TNFSF8: variants seen among roughly 807,000 people sequenced by gnomAD.
TNFSF8 encodes the protein TNF superfamily member 8.
Under a neutral mutation model 22.0 loss-of-function variants are expected in TNFSF8, and 4 were observed. The observed-to-expected ratio is 0.18, with a 90% CI of 0.09 to 0.42. The LOEUF (loss-of-function observed/expected upper bound fraction) is 0.42, where lower values mean the gene tolerates loss of function less well. TNFSF8 is among the 10% of genes least tolerant of loss of function. The pLI is 1.00. For synonymous variants in TNFSF8, 106 were observed against 112.5 expected (o/e 0.94, Z 0.37); for missense variants, 233 against 281.8 (o/e 0.83, Z 1.24).
chr9:114,919,757 C>A lies in TNFSF8; in HGVS notation c.196-1619G>T, dbSNP rs77704051. Among the ~76,000 whole-genome samples, 38 of 152,300 alleles carry A rather than the reference C, an allele frequency of 2.5e-4. No individual in the cohort carries two copies. The East Asian group carries it at 7.1e-3, about 29-fold the overall frequency. ...TAGTGTTCTGTATGAACACTAGGAC[C>A]ATCTGGAGTTCCCCTATTATTGTAA... On this transcript the variant is annotated intron_variant, in intron 1 of 3. Coordinates refer to ENST00000223795, the MANE Select transcript of TNFSF8 (RefSeq NM_001244.4).
intron 1 of TNFSF8, among the ~76,000 whole-genome samples, chr9:114,926,921 T>C (rs1389134295): frequency 6.8e-6 from 1 of 147,538 alleles, no homozygotes; most frequent in Non-Finnish European, 1.5e-5. Context: ...AATATAAATA[T>C]TATAAAATAT....
chr9:114,912,636 G>C (rs115544161), intron 2 of TNFSF8, among the ~76,000 whole-genome samples: 1 of 152,194 alleles, frequency 6.6e-6, no homozygotes, highest in Non-Finnish European at 1.5e-5. Flanking sequence ...TGATCCACCC[G>C]CCTCAGCCTC....
chr9:114,900,962 ACT>A (rs1304413025), downstream of TNFSF8, among the ~76,000 whole-genome samples: 3 of 151,708 alleles, frequency 2.0e-5, no homozygotes, highest in Non-Finnish European at 4.4e-5. Context: ...AGTTTGGATG[ACT>A]CTACATTGAC....
downstream of TNFSF8, among the ~76,000 whole-genome samples, chr9:114,897,348 T>A (rs756468826): frequency 6.6e-6 from 1 of 152,218 alleles, no homozygotes; most frequent in Non-Finnish European, 1.5e-5. Context: ...CTTTGATTAT[T>A]CATTTAAGAA....
At chr9:114,929,977 T>G (rs10626871) in intron 1 of TNFSF8, 132 bp downstream of exon 1, 103,525 of 323,444 alleles carry the variant, frequency 0.32, 17,573 homozygotes, top group East Asian at 0.49. Flanking sequence ...TATATATATA[T>G]AGAGAGAGAG....
intron 2 of TNFSF8, among the ~76,000 whole-genome samples, chr9:114,916,195 C>T (rs905081048): frequency 3.9e-5 from 6 of 152,160 alleles, no homozygotes; most frequent in African/African-American, 1.4e-4. Context: ...CATTTTGACA[C>T]ACAAAAATGA....
intron 2 of TNFSF8, among the ~76,000 whole-genome samples, chr9:114,906,302 A>C (rs1157422649): frequency 6.6e-6 from 1 of 152,244 alleles, no homozygotes. Context: ...CAGGTGAAAT[A>C]CATTGTTTCG....
At chr9:114,918,032 T>C in intron 2 of TNFSF8, 64 bp downstream of exon 2, 1 of 1,505,960 alleles carries the variant, frequency 6.6e-7, no homozygotes, top group Admixed American at 2.1e-5. Context: ...TAATCAGGTT[T>C]CACACTTTAT....
intron 2 of TNFSF8, among the ~76,000 whole-genome samples, chr9:114,911,736 C>A (rs1221315632): frequency 6.6e-6 from 1 of 152,112 alleles, no homozygotes; most frequent in African/African-American, 2.4e-5. Context: ...CCCCCCGCCC[C>A]CTGCCCCACC....
intron 3 of TNFSF8, among the ~76,000 whole-genome samples, chr9:114,904,941 G>A (rs1327485611): frequency 6.6e-6 from 1 of 152,150 alleles, no homozygotes; most frequent in Non-Finnish European, 1.5e-5. Flanking sequence ...TCAAAGGGCA[G>A]CCAAAAATAA....
At chr9:114,925,757 A>G (rs1378816426) in intron 1 of TNFSF8, among the ~76,000 whole-genome samples, 1 of 152,110 alleles carries the variant, frequency 6.6e-6, no homozygotes, top group Non-Finnish European at 1.5e-5. Flanking sequence ...TTCTTTCTTG[A>G]AAGCCTACCG....
downstream of TNFSF8, among the ~76,000 whole-genome samples, chr9:114,896,583 A>T (rs1040012616): frequency 6.6e-6 from 1 of 152,236 alleles, no homozygotes; most frequent in Non-Finnish European, 1.5e-5. Context: ...GAAATATCAC[A>T]CTGTGCTACC....
intron 1 of TNFSF8, among the ~76,000 whole-genome samples, chr9:114,921,201 C>T (rs893409616): frequency 2.6e-5 from 4 of 152,176 alleles, no homozygotes; most frequent in Admixed American, 6.5e-5. Context: ...TCATTTAAAC[C>T]TTCACCCAGG....
chr9:114,906,271 GA>G (rs200008266), intron 2 of TNFSF8, among the ~76,000 whole-genome samples: 1 of 152,102 alleles, frequency 6.6e-6, no homozygotes, highest in Non-Finnish European at 1.5e-5. Flanking sequence ...TTACAGATGG[GA>G]AAAAAATCTG....
chr9:114,923,714 C>T (rs900055642), intron 1 of TNFSF8, among the ~76,000 whole-genome samples: 15 of 152,112 alleles, frequency 9.9e-5, no homozygotes, highest in Admixed American at 7.2e-4. Context: ...GACAGGATTT[C>T]GCCATGTTGG....
chr9:114,899,662 G>C (rs958663310), downstream of TNFSF8, among the ~76,000 whole-genome samples: 9 of 152,134 alleles, frequency 5.9e-5, no homozygotes, highest in Non-Finnish European at 8.8e-5. Flanking sequence ...GGCTGATTTC[G>C]CAGTGGCTTG....
intron 2 of TNFSF8, among the ~76,000 whole-genome samples, chr9:114,913,217 G>A (rs1368346491): frequency 1.3e-5 from 2 of 152,130 alleles, no homozygotes; most frequent in Admixed American, 6.5e-5. Flanking sequence ...GGACCCACAC[G>A]AGGTCTATCC....
At chr9:114,929,970 A>G (rs1365957980) in intron 1 of TNFSF8, 139 bp downstream of exon 1, 2 of 322,924 alleles carry the variant, frequency 6.2e-6, no homozygotes, top group Non-Finnish European at 1.1e-5. Context: ...TAGTATATAT[A>G]TATATATAGA....
Position 114,918,080 on chromosome 9 carries a change from A to G in TNFSF8, c.238+16T>C. On this transcript the variant is annotated intron_variant, in intron 2 of 3. Coordinates refer to ENST00000223795, the MANE Select transcript of TNFSF8 (RefSeq NM_001244.4). ...GATGACTTACTACACATTTACACCT[A>G]ATTCCAAGATCTTACCTCCTTTGAG... 6.3e-7 allele frequency: 1 copy of G among 1,597,738 alleles called. No individual in the cohort carries two copies. The highest frequency in any genetic ancestry group is 8.5e-7 in the Non-Finnish European group (1 of 1,174,318).
Sources: gnomAD v4.1 joint callset for allele counts (sites outside exome capture counted in the v4.1 genomes callset) on GRCh38, gnomAD v4.1.1 for gene constraint, MANE v1.5 for transcripts, NCBI Gene and HGNC (gene_info 2026-07-23, HGNC 2026-07-21) for gene names.